PIK3CB: variants seen among roughly 807,000 people sequenced by gnomAD.
PIK3CB encodes phosphatidylinositol-4,5-bisphosphate 3-kinase catalytic subunit beta.
Under a neutral mutation model 136.8 loss-of-function variants are expected in PIK3CB, and 39 were observed. The observed-to-expected ratio is 0.29, with a 90% CI of 0.22 to 0.37. The LOEUF is 0.37. PIK3CB is among the 10% of genes least tolerant of loss of function. PIK3CB has a pLI of 1.00. For synonymous variants in PIK3CB, 428 were observed against 436.6 expected (o/e 0.98, Z 0.25); for missense variants, 868 against 1,275.4 (o/e 0.68, Z 4.87).
intron 15 of PIK3CB, among the ~76,000 whole-genome samples, chr3:138,690,717 C>A (rs2043989180): frequency 4.6e-5 from 6 of 129,266 alleles, no homozygotes; most frequent in Admixed American, 7.4e-5. Context: ...AGGTAGAAAA[C>A]ACACACAAAA....
intron 2 of PIK3CB, among the ~76,000 whole-genome samples, chr3:138,769,284 G>A (rs573134978): frequency 4.6e-5 from 7 of 152,194 alleles, no homozygotes; most frequent in Non-Finnish European, 8.8e-5. Context: ...AGATATAATT[G>A]TAGCCTATAT....
At chr3:138,785,066 A>G (rs2045962577) in intron 2 of PIK3CB, among the ~76,000 whole-genome samples, 2 of 151,586 alleles carry the variant, frequency 1.3e-5, no homozygotes, top group Admixed American at 1.3e-4. Flanking sequence ...AGTGAAGAGC[A>G]TCTCTGCCCA....
At position 138,714,525 on chromosome 3, in the gene PIK3CB, TTTC is replaced by T; in HGVS notation, c.1242_1244del (p.Lys415del). The T allele has an allele frequency of 6.2e-7, 1 of 1,612,352 alleles. No homozygotes were observed. The highest frequency in any genetic ancestry group is 8.5e-7 in the Non-Finnish European group (1 of 1,178,396). Reference sequence around the variant, plus strand: ...TAGAGGGATTAATAGTTTTCGTTGATTTCTTCGTTTTTACTTTATCCAAAACTG... The same window carrying T: ...TAGAGGGATTAATAGTTTTCGTTGATTTCGTTTTTACTTTATCCAAAACTG... On this transcript the variant is annotated inframe_deletion, in exon 9 of 24. Coordinates refer to ENST00000674063, the MANE Select transcript of PIK3CB (RefSeq NM_006219.3).
At chr3:138,690,706 C>A in intron 15 of PIK3CB, among the ~76,000 whole-genome samples, 1 of 137,584 alleles carries the variant, frequency 7.3e-6, no homozygotes, top group Non-Finnish European at 1.5e-5. Context: ...AAAAATCAAG[C>A]AGGTAGAAAA....
chr3:138,688,325 C>A (rs540592128), intron 16 of PIK3CB, among the ~76,000 whole-genome samples: 1 of 151,972 alleles, frequency 6.6e-6, no homozygotes, highest in African/African-American at 2.4e-5. Context: ...CACAGTGAAA[C>A]CCTGTCTCTA....
At chr3:138,805,793 A>C (rs577649830) in intron 1 of PIK3CB, among the ~76,000 whole-genome samples, 7 of 151,842 alleles carry the variant, frequency 4.6e-5, no homozygotes, top group African/African-American at 7.2e-5. Context: ...GCAGTGGCGC[A>C]ATCTCGGCTC....
chr3:138,744,141 C>T (rs190639806), intron 4 of PIK3CB, among the ~76,000 whole-genome samples: 138 of 151,938 alleles, frequency 9.1e-4, no homozygotes, highest in African/African-American at 3.2e-3. Flanking sequence ...CCTGTAATCC[C>T]AGCACTTTGG....
chr3:138,817,765 A>G (rs193148245), intron 1 of PIK3CB, among the ~76,000 whole-genome samples: 2 of 152,314 alleles, frequency 1.3e-5, no homozygotes, highest in East Asian at 3.9e-4. Context: ...AGTAAAAGGT[A>G]TACGATCTAG....
intron 4 of PIK3CB, among the ~76,000 whole-genome samples, chr3:138,748,920 G>A (rs1055279320): frequency 1.3e-5 from 2 of 152,066 alleles, no homozygotes; most frequent in African/African-American, 4.8e-5. Flanking sequence ...GGGTTGCATT[G>A]TCTTTTTACT....
chr3:138,763,129 T>TGTATGTATGTATGTATGTAC lies in PIK3CB; in HGVS notation c.-16-3771_-16-3770insGTACATACATACATACATAC, dbSNP rs1402813184. On this transcript the variant is annotated intron_variant, in intron 2 of 23. Coordinates refer to ENST00000674063, the MANE Select transcript of PIK3CB (RefSeq NM_006219.3). ...GAGGAAAAATGAAAGTTAGTATGTA[T>TGTATGTATGTATGTATGTAC]GTATGTATGTATGTATGTATTTGTT... 4.6e-5 allele frequency among the ~76,000 whole-genome samples: 7 copies of TGTATGTATGTATGTATGTAC among 151,866 alleles called. No homozygotes were observed. In the East Asian group the frequency reaches 1.4e-3, roughly 30 times the overall value.
At chr3:138,757,732 G>A (rs1290182696) in intron 3 of PIK3CB, among the ~76,000 whole-genome samples, 1 of 150,948 alleles carries the variant, frequency 6.6e-6, no homozygotes, top group Admixed American at 6.6e-5. Context: ...GAGGAAGAGA[G>A]GGAGGGAGGG....
intron 8 of PIK3CB, among the ~76,000 whole-genome samples, chr3:138,717,870 C>G (rs2044645237): frequency 6.6e-6 from 1 of 152,134 alleles, no homozygotes; most frequent in Non-Finnish European, 1.5e-5. Context: ...TGATCTCATT[C>G]TTTTTTATGG....
chr3:138,762,826 G>A (rs1045806542), intron 2 of PIK3CB, among the ~76,000 whole-genome samples: 3 of 151,720 alleles, frequency 2.0e-5, no homozygotes, highest in South Asian at 2.1e-4. Flanking sequence ...CAGGCATGGC[G>A]GCAGGCACCT....
intron 2 of PIK3CB, among the ~76,000 whole-genome samples, chr3:138,779,086 CTTTT>C (rs63042260): frequency 1.5e-4 from 15 of 100,836 alleles, no homozygotes; most frequent in Admixed American, 2.1e-4. Flanking sequence ...TATGTCATTT[CTTTT>C]TTTTTTTTTT....
chr3:138,674,604 T>C (rs2043606713), intron 19 of PIK3CB, among the ~76,000 whole-genome samples: 1 of 152,102 alleles, frequency 6.6e-6, no homozygotes, highest in South Asian at 2.1e-4. Flanking sequence ...TGGCAAAAAG[T>C]ATGTGACATA....
At chr3:138,787,923 T>A (rs1449637859) in intron 2 of PIK3CB, among the ~76,000 whole-genome samples, 1 of 30,838 alleles carries the variant, frequency 3.2e-5, no homozygotes, top group East Asian at 0.05. Flanking sequence ...ACTAGAAGAC[T>A]TTTTTTTTTT....
intron 1 of PIK3CB, among the ~76,000 whole-genome samples, chr3:138,800,529 C>G (rs2046160956): frequency 6.6e-6 from 1 of 150,506 alleles, no homozygotes; most frequent in Admixed American, 6.7e-5. Flanking sequence ...GTGGTCCAGG[C>G]TGGTCTCAAA....
chr3:138,682,849 A>G (rs896637900), intron 18 of PIK3CB, among the ~76,000 whole-genome samples: 3 of 152,172 alleles, frequency 2.0e-5, no homozygotes, highest in East Asian at 1.9e-4. Flanking sequence ...ATTCTCAAGG[A>G]TATGAAAAAC....
chr3:138,686,727 A>G (rs2043901563), intron 16 of PIK3CB, among the ~76,000 whole-genome samples: 1 of 152,198 alleles, frequency 6.6e-6, no homozygotes, highest in African/African-American at 2.4e-5. Context: ...ACATGTTTTC[A>G]TTTTTAAATT....
Sources: gnomAD v4.1 joint callset for allele counts (sites outside exome capture counted in the v4.1 genomes callset) on GRCh38, gnomAD v4.1.1 for gene constraint, MANE v1.5 for transcripts, NCBI Gene and HGNC (gene_info 2026-07-23, HGNC 2026-07-21) for gene names.